The following BAIAP2L1 variants were observed in gnomAD, a reference collection of about 807,000 sequenced individuals.
BAIAP2L1 encodes BAR/IMD domain containing adaptor protein 2 like 1.
Under a neutral mutation model 66.3 loss-of-function variants are expected in BAIAP2L1, and 35 were observed. That is an observed-to-expected ratio of 0.53 (90% CI 0.40 to 0.70). The LOEUF (loss-of-function observed/expected upper bound fraction) is 0.70. Ranked by LOEUF, BAIAP2L1 falls within the 30% of genes least tolerant of loss-of-function variation. BAIAP2L1 has a pLI of 0.00. For synonymous variants in BAIAP2L1, 269 were observed against 248.7 expected (o/e 1.08, Z -0.77); for missense variants, 622 against 656.9 (o/e 0.95, Z 0.58).
intron 3 of BAIAP2L1, among the ~76,000 whole-genome samples, chr7:98,349,474 T>C (rs1354740262): frequency 6.6e-6 from 1 of 152,150 alleles, no homozygotes; most frequent in Non-Finnish European, 1.5e-5. Flanking sequence ...CGTTTATGGT[T>C]GGAACCCCAG....
chr7:98,344,070 G>C (rs1801815108), intron 3 of BAIAP2L1, among the ~76,000 whole-genome samples: 1 of 152,158 alleles, frequency 6.6e-6, no homozygotes, highest in Non-Finnish European at 1.5e-5. Flanking sequence ...CCCAGCTATA[G>C]GGAGGCTGAG....
At chr7:98,337,352 C>T (rs528472493) in intron 3 of BAIAP2L1, among the ~76,000 whole-genome samples, 22 of 152,070 alleles carry the variant, frequency 1.4e-4, no homozygotes, top group African/African-American at 4.8e-4. Context: ...CTGCCTCAGT[C>T]TCCCGAGTAG....
At chr7:98,361,311 T>C (rs1356370584) in intron 2 of BAIAP2L1, among the ~76,000 whole-genome samples, 1 of 151,622 alleles carries the variant, frequency 6.6e-6, no homozygotes, top group Admixed American at 6.6e-5. Flanking sequence ...GAGCCGAGAT[T>C]GTTCCACTGC....
intron 1 of BAIAP2L1, among the ~76,000 whole-genome samples, chr7:98,373,022 G>A (rs573414575): frequency 6.6e-5 from 10 of 152,280 alleles, no homozygotes; most frequent in African/African-American, 2.2e-4. Context: ...CTACAGGTGC[G>A]AGCCAGCACG....
At chr7:98,379,373 C>A (rs1057417277) in intron 1 of BAIAP2L1, among the ~76,000 whole-genome samples, 1 of 152,164 alleles carries the variant, frequency 6.6e-6, no homozygotes, top group Non-Finnish European at 1.5e-5. Flanking sequence ...CTGAACACAT[C>A]GCTACAGACA....
chr7:98,385,213 T>G (rs376424013), intron 1 of BAIAP2L1, among the ~76,000 whole-genome samples: 1 of 151,052 alleles, frequency 6.6e-6, no homozygotes, highest in Non-Finnish European at 1.5e-5. Context: ...GAGGCAGAGG[T>G]GGGAGGATTA....
chr7:98,352,304 T>G (rs1457995306), intron 3 of BAIAP2L1, among the ~76,000 whole-genome samples: 1 of 152,126 alleles, frequency 6.6e-6, no homozygotes, highest in East Asian at 1.9e-4. Flanking sequence ...AGCTTGAAAC[T>G]AAATAAAACA....
At chr7:98,371,533 G>A (rs955727167) in intron 1 of BAIAP2L1, among the ~76,000 whole-genome samples, 3 of 152,086 alleles carry the variant, frequency 2.0e-5, no homozygotes, top group African/African-American at 7.2e-5. Flanking sequence ...TGTTTACCTC[G>A]GCATTTCTAC....
chr7:98,307,832 C>T lies in BAIAP2L1; in HGVS notation c.1020G>A (p.Lys340=), dbSNP rs952577457. The T allele has an allele frequency of 6.2e-7, 1 of 1,614,144 alleles. No individual in the cohort carries two copies. Among genetic ancestry groups the T allele is most frequent in the African/African-American group, 1.3e-5 (1 of 74,952 alleles). The change falls in exon 10 of 14, where the codon AAG becomes AAA. Residue 340 remains lysine (K), a synonymous_variant. Coordinates refer to ENST00000005260, the MANE Select transcript of BAIAP2L1 (RefSeq NM_018842.5). ...GGAAGATGGTCTTCACTTTCTGCTTCTTCATCATGTTCAGTCCCGTTGCAA... is the reference window on the plus strand; with the variant it reads ...GGAAGATGGTCTTCACTTTCTGCTTTTTCATCATGTTCAGTCCCGTTGCAA... The part of the protein sequence containing the change: ...VSVATGLNMM[K]KQKVKTIFPH...
chr7:98,393,376 G>C (rs890427666), intron 1 of BAIAP2L1, among the ~76,000 whole-genome samples: 4 of 151,964 alleles, frequency 2.6e-5, no homozygotes, highest in Admixed American at 6.6e-5. Flanking sequence ...GATGTTGAAA[G>C]CACAGATGAA....
intron 1 of BAIAP2L1, among the ~76,000 whole-genome samples, chr7:98,380,392 T>C (rs749868428): frequency 1.3e-5 from 2 of 152,098 alleles, no homozygotes; most frequent in African/African-American, 4.8e-5. Context: ...CTCAGAATCA[T>C]GGTGGGAGGC....
chr7:98,304,503 C>CA (rs1800557108), intron 11 of BAIAP2L1, 127 bp from the exon 12 acceptor site: 1 of 935,330 alleles, frequency 1.1e-6, no homozygotes, highest in Non-Finnish European at 1.6e-6. Context: ...ATCTTGATCT[C>CA]ACACACACAG....
chr7:98,337,554 C>A (rs895200538), intron 3 of BAIAP2L1, among the ~76,000 whole-genome samples: 2 of 152,222 alleles, frequency 1.3e-5, no homozygotes, highest in Non-Finnish European at 2.9e-5. Context: ...GGCATTGCTG[C>A]CAGACTGCCT....
At chr7:98,383,200 AAAG>A (rs1175881452) in intron 1 of BAIAP2L1, among the ~76,000 whole-genome samples, 1 of 152,116 alleles carries the variant, frequency 6.6e-6, no homozygotes, top group African/African-American at 2.4e-5. Flanking sequence ...AAAAAAAAGA[AAAG>A]AAAAGAAAGA....
chr7:98,377,010 C>T, intron 1 of BAIAP2L1, among the ~76,000 whole-genome samples: 1 of 152,112 alleles, frequency 6.6e-6, no homozygotes, highest in East Asian at 1.9e-4. Context: ...AGTCAAAAGC[C>T]TGAGGACAAA....
chr7:98,341,531 T>C (rs1005842956), intron 3 of BAIAP2L1, among the ~76,000 whole-genome samples: 2 of 152,088 alleles, frequency 1.3e-5, no homozygotes, highest in African/African-American at 4.8e-5. Context: ...AAAAAATTTT[T>C]TATTTTTTAA....
intron 8 of BAIAP2L1, 78 bp downstream of exon 8, chr7:98,312,019 C>T: frequency 7.0e-7 from 1 of 1,438,824 alleles, no homozygotes; most frequent in South Asian, 1.4e-5. Context: ...CTGTGATTCC[C>T]ACCAACACAG....
intron 12 of BAIAP2L1, among the ~76,000 whole-genome samples, chr7:98,300,136 TGGCTGCTGGACTG>T (rs1800360630): frequency 6.6e-6 from 1 of 152,262 alleles, no homozygotes; most frequent in Non-Finnish European, 1.5e-5. Flanking sequence ...GTGTGCCCTG[TGGCTGCTGGACTG>T]GGCAGGGAAC....
At chr7:98,373,306 T>A (rs752110878) in intron 1 of BAIAP2L1, among the ~76,000 whole-genome samples, 11 of 152,112 alleles carry the variant, frequency 7.2e-5, no homozygotes, top group Non-Finnish European at 1.3e-4. Context: ...AGGTATTGAG[T>A]TAGATCAGAA....
Sources: gnomAD v4.1 joint callset for allele counts (sites outside exome capture counted in the v4.1 genomes callset) on GRCh38, gnomAD v4.1.1 for gene constraint, MANE v1.5 for transcripts, NCBI Gene and HGNC (gene_info 2026-07-23, HGNC 2026-07-21) for gene names.